CSMD3: variants seen among roughly 807,000 people sequenced by gnomAD.
CSMD3 encodes CUB and Sushi multiple domains 3, also known as CUB and sushi domain-containing protein 3.
Under a neutral mutation model 435.2 loss-of-function variants are expected in CSMD3, and 177 were observed. That is an observed-to-expected ratio of 0.41 (90% CI 0.36 to 0.46). The LOEUF is 0.46. Among genes scored for constraint, CSMD3 ranks in the 20% least tolerant of loss-of-function variants. The pLI, the probability that CSMD3 is intolerant of heterozygous loss-of-function variation, is 0.34. For synonymous variants in CSMD3, 1,656 were observed against 1,520.5 expected (o/e 1.09, Z -2.07); for missense variants, 4,265 against 4,504.6 (o/e 0.95, Z 1.52).
chr8:112,985,311 C>T (rs1300533770), intron 6 of CSMD3, among the ~76,000 whole-genome samples: 2 of 151,556 alleles, frequency 1.3e-5, no homozygotes, highest in East Asian at 3.9e-4. Context: ...GGGGAAAAGG[C>T]AAGACATATT....
At chr8:112,622,181 A>C (rs1834127122) in intron 22 of CSMD3, among the ~76,000 whole-genome samples, 1 of 152,200 alleles carries the variant, frequency 6.6e-6, no homozygotes, top group African/African-American at 2.4e-5. Context: ...ACTTAAACAA[A>C]TTAAGGAGTA....
intron 10 of CSMD3, among the ~76,000 whole-genome samples, chr8:112,871,390 C>A (rs2081130717): frequency 6.6e-6 from 1 of 151,888 alleles, no homozygotes; most frequent in Non-Finnish European, 1.5e-5. Flanking sequence ...AAAGAAAATA[C>A]CCAACAATTG....
rs193253992 is a variant in CSMD3, at chr8:112,724,336, G to A, written c.1973-34286C>T. Among the ~76,000 whole-genome samples, 3 of 152,144 alleles carry A rather than the reference G, an allele frequency of 2.0e-5. No individual in the cohort carries two copies. The East Asian group carries it at 5.8e-4, about 29-fold the overall frequency. The stretch of plus-strand genomic sequence containing the variant: ...GTATAGTTATTGCCTTAATCCTGGT[G>A]CCTGATGATAGTGGGTTGACCAAGA... On this transcript the variant is annotated intron_variant, in intron 13 of 70. Transcript: ENST00000297405.
chr8:112,646,618 C>T (rs192745384), intron 19 of CSMD3, among the ~76,000 whole-genome samples: 120 of 152,206 alleles, frequency 7.9e-4, no homozygotes, highest in Non-Finnish European at 1.4e-3. Context: ...CACATAAACA[C>T]ATTTAAACAT....
chr8:112,980,883 G>A (rs983458821), intron 6 of CSMD3, among the ~76,000 whole-genome samples: 12 of 151,342 alleles, frequency 7.9e-5, no homozygotes, highest in Non-Finnish European at 1.2e-4. Context: ...CTGGTAGATG[G>A]GTGCAAACTA....
intron 3 of CSMD3, among the ~76,000 whole-genome samples, chr8:113,231,266 T>C (rs967484222): frequency 2.6e-5 from 4 of 151,388 alleles, no homozygotes; most frequent in Non-Finnish European, 5.9e-5. Flanking sequence ...ATACTTCTGT[T>C]TCATAATTTG....
intron 27 of CSMD3, among the ~76,000 whole-genome samples, chr8:112,544,347 G>A (rs920124096): frequency 6.6e-6 from 1 of 152,002 alleles, no homozygotes; most frequent in Non-Finnish European, 1.5e-5. Flanking sequence ...TGTATTTAAT[G>A]CATTATTATG....
At chr8:112,579,149 A>T (rs564670201) in intron 23 of CSMD3, among the ~76,000 whole-genome samples, 2 of 152,186 alleles carry the variant, frequency 1.3e-5, no homozygotes, top group South Asian at 4.1e-4. Flanking sequence ...TCAGAACTTC[A>T]TTAGTTTGTA....
intron 32 of CSMD3, among the ~76,000 whole-genome samples, chr8:112,439,156 T>C (rs1455308831): frequency 6.6e-6 from 1 of 152,216 alleles, no homozygotes; most frequent in African/African-American, 2.4e-5. Context: ...GTTTGTTTTG[T>C]TTGAGATGGA....
chr8:113,003,564 T>C (rs1039851775), intron 6 of CSMD3, among the ~76,000 whole-genome samples: 3 of 152,084 alleles, frequency 2.0e-5, no homozygotes, highest in Non-Finnish European at 2.9e-5. Context: ...CAATATTTTA[T>C]GGTTTAATAG....
chr8:112,466,134 T>C (rs558884887), intron 32 of CSMD3, among the ~76,000 whole-genome samples: 1 of 152,308 alleles, frequency 6.6e-6, no homozygotes, highest in South Asian at 2.1e-4. Context: ...TTGGTTTTAA[T>C]GCAATTGTAC....
Position 113,064,576 on chromosome 8 carries a change from C to T in CSMD3, c.917+34180G>A, listed in dbSNP as rs142457684. On this transcript the variant is annotated intron_variant, in intron 5 of 70. Transcript: ENST00000297405. Reference sequence around the variant, plus strand: ...ACGAAAATAATACAGCAGGATAAAACTAAGCTATTGAGGAAATTAGTAAAG... The same window carrying T: ...ACGAAAATAATACAGCAGGATAAAATTAAGCTATTGAGGAAATTAGTAAAG... Among the ~76,000 whole-genome samples the T allele has an allele frequency of 2.5e-3, 384 of 152,128 alleles. 1 individual carries two copies. Among genetic ancestry groups the T allele is most frequent in the Non-Finnish European group, 4.4e-3 (298 of 67,978 alleles).
intron 1 of CSMD3, among the ~76,000 whole-genome samples, chr8:113,387,774 A>T (rs990749197): frequency 1.3e-5 from 2 of 151,682 alleles, no homozygotes; most frequent in Non-Finnish European, 3.0e-5. Context: ...ACAAAGCAAA[A>T]GCATTTGGAT....
intron 1 of CSMD3, among the ~76,000 whole-genome samples, chr8:113,360,749 AT>A (rs2094269206): frequency 6.6e-6 from 1 of 151,198 alleles, no homozygotes; most frequent in Non-Finnish European, 1.5e-5. Context: ...AATTTTTTGT[AT>A]TTTTAGTAGA....
intron 35 of CSMD3, among the ~76,000 whole-genome samples, chr8:112,396,996 G>A (rs1481217102): frequency 1.3e-5 from 2 of 152,058 alleles, no homozygotes; most frequent in Non-Finnish European, 2.9e-5. Flanking sequence ...AGTTAACAGA[G>A]GTTGAAAAGG....
At chr8:113,090,344 GTCT>G (rs1277379897) in intron 5 of CSMD3, among the ~76,000 whole-genome samples, 1 of 151,830 alleles carries the variant, frequency 6.6e-6, no homozygotes, top group Non-Finnish European at 1.5e-5. Flanking sequence ...TCAGAAAATT[GTCT>G]TATTAAGATG....
chr8:112,650,480 A>C, intron 18 of CSMD3, 131 bp from the exon 19 acceptor site: 1 of 760,320 alleles, frequency 1.3e-6, no homozygotes, highest in African/African-American at 1.8e-5. Flanking sequence ...TTCATTTTTA[A>C]AATCAGCAAT....
At chr8:112,932,297 G>A (rs181559869) in intron 9 of CSMD3, among the ~76,000 whole-genome samples, 50 of 152,270 alleles carry the variant, frequency 3.3e-4, no homozygotes, top group African/African-American at 1.1e-3. Flanking sequence ...CAACATGGAC[G>A]GAACTTCAGA....
intron 65 of CSMD3, among the ~76,000 whole-genome samples, chr8:112,243,649 G>T (rs995479713): frequency 3.3e-5 from 5 of 152,026 alleles, no homozygotes; most frequent in Admixed American, 1.3e-4. Flanking sequence ...TTCTACTAGG[G>T]TTACTCTGGC....
Sources: gnomAD v4.1 joint callset for allele counts (sites outside exome capture counted in the v4.1 genomes callset) on GRCh38, gnomAD v4.1.1 for gene constraint, MANE v1.5 for transcripts, NCBI Gene and HGNC (gene_info 2026-07-23, HGNC 2026-07-21) for gene names.